Variants in GRK5 observed in about 807,000 individuals in gnomAD.
GRK5 encodes G protein-coupled receptor kinase 5, also known as g protein-coupled receptor kinase GRK5.
GRK5 carries 40 observed loss-of-function variants against 78.4 expected under a neutral mutation model. The observed-to-expected ratio is 0.51, with a 90% CI of 0.40 to 0.66. The LOEUF (loss-of-function observed/expected upper bound fraction) is 0.66. Ranked by LOEUF, GRK5 falls within the 30% of genes least tolerant of loss-of-function variation. The pLI is 0.00. For synonymous variants in GRK5, 289 were observed against 296.8 expected, an observed-to-expected ratio of 0.97 and a Z score of 0.27; for missense variants, 598 against 759.9, an observed-to-expected ratio of 0.79 and a Z score of 2.50.
At chr10:119,242,712 G>A (rs1322769211) in intron 1 of GRK5, among the ~76,000 whole-genome samples, 1 of 151,966 alleles carries the variant, frequency 6.6e-6, no homozygotes, top group Non-Finnish European at 1.5e-5. Flanking sequence ...TCTTGTGATA[G>A]TGAGTGAGTT....
chr10:119,322,642 G>T (rs566905817), intron 1 of GRK5, among the ~76,000 whole-genome samples: 1 of 152,332 alleles, frequency 6.6e-6, no homozygotes, highest in South Asian at 2.1e-4. Context: ...TAGACTGGCT[G>T]CCTGAGAGTC....
intron 12 of GRK5, among the ~76,000 whole-genome samples, chr10:119,444,523 C>G (rs1289574563): frequency 6.6e-6 from 1 of 152,166 alleles, no homozygotes; most frequent in Non-Finnish European, 1.5e-5. Context: ...CTGCCTGGCT[C>G]TCAGCCCCCA....
At chr10:119,393,261 C>T (rs1851915766) in intron 3 of GRK5, among the ~76,000 whole-genome samples, 1 of 152,262 alleles carries the variant, frequency 6.6e-6, no homozygotes, top group South Asian at 2.1e-4. Flanking sequence ...CCTTTTGATC[C>T]CGGCAGGGGA....
At chr10:119,433,088 C>G (rs1690569671) in intron 8 of GRK5, among the ~76,000 whole-genome samples, 1 of 152,106 alleles carries the variant, frequency 6.6e-6, no homozygotes, top group African/African-American at 2.4e-5. Flanking sequence ...ACAAAACAAA[C>G]AAACAAAACC....
At chr10:119,386,778 G>A (rs7077176) in intron 3 of GRK5, among the ~76,000 whole-genome samples, 16,402 of 152,124 alleles carry the variant, frequency 0.11, 1,144 homozygotes, top group East Asian at 0.22. Context: ...GTAACTTCTC[G>A]TCTAAAATCC....
At chr10:119,416,061 C>G (rs991271494) in intron 4 of GRK5, among the ~76,000 whole-genome samples, 22 of 152,152 alleles carry the variant, frequency 1.4e-4, no homozygotes, top group Admixed American at 2.6e-4. Context: ...GGGTGTAGCT[C>G]TGAGTTGATT....
At chr10:119,432,509 A>G in intron 8 of GRK5, among the ~76,000 whole-genome samples, 1 of 152,222 alleles carries the variant, frequency 6.6e-6, no homozygotes, top group East Asian at 1.9e-4. Context: ...TTTAAACAGC[A>G]CAGAAGGATA....
intron 3 of GRK5, among the ~76,000 whole-genome samples, chr10:119,384,374 C>T (rs2133835194): frequency 6.6e-6 from 1 of 152,326 alleles, no homozygotes; most frequent in East Asian, 1.9e-4. Context: ...GTGCAGCCTC[C>T]AGAGATAGGA....
intron 8 of GRK5, among the ~76,000 whole-genome samples, chr10:119,435,979 G>A (rs1852910906): frequency 6.6e-6 from 1 of 152,200 alleles, no homozygotes; most frequent in Non-Finnish European, 1.5e-5. Context: ...AGTGAAATGG[G>A]CTTCCCCTTA....
chr10:119,229,888 T>C (rs1848797958), intron 1 of GRK5, among the ~76,000 whole-genome samples: 1 of 152,220 alleles, frequency 6.6e-6, no homozygotes, highest in Non-Finnish European at 1.5e-5. Flanking sequence ...TCATTGTCTT[T>C]TGCACATGAC....
chr10:119,289,736 G>T (rs959698580), intron 1 of GRK5, among the ~76,000 whole-genome samples: 31 of 152,294 alleles, frequency 2.0e-4, no homozygotes, highest in African/African-American at 7.5e-4. Flanking sequence ...TTTATTTTAG[G>T]CACCGGCTGA....
chr10:119,431,322 C>G lies in GRK5; in HGVS notation c.598-65C>G. 3.9e-6 allele frequency: 6 copies of G among 1,553,778 alleles called. No homozygotes were observed. The highest frequency in any genetic ancestry group is 5.2e-6 in the Non-Finnish European group (6 of 1,150,176). ...ACCTGGGAGGCCTGTGGTCCCCGCC[C>G]TGGAGGAGCTCGGGGCAGGCCTCCA... is the stretch of plus-strand genomic sequence containing the variant. On this transcript the variant is annotated intron_variant, in intron 7 of 15. Transcript: ENST00000392870. This position sits in a 1 kb window ranked among gnomAD's most constrained non-coding sequence, Gnocchi z 4.8.
intron 1 of GRK5, among the ~76,000 whole-genome samples, chr10:119,209,492 T>TGG: frequency 1.8e-5 from 1 of 54,456 alleles, no homozygotes; most frequent in African/African-American, 9.0e-5. Context: ...GTGTGGTTTT[T>TGG]TTTTTTTTTT....
chr10:119,285,393 T>G (rs1174806723), intron 1 of GRK5, among the ~76,000 whole-genome samples: 3 of 152,170 alleles, frequency 2.0e-5, no homozygotes, highest in African/African-American at 7.2e-5. Flanking sequence ...GCTCGATTCC[T>G]GGGTTGGGGG....
At chr10:119,429,222 G>T (rs973903388) in intron 6 of GRK5, among the ~76,000 whole-genome samples, 1 of 152,204 alleles carries the variant, frequency 6.6e-6, no homozygotes, top group Non-Finnish European at 1.5e-5. Flanking sequence ...GTGCCAGAGA[G>T]TACCCTGGCT....
At chr10:119,329,555 G>A (rs575865194) in intron 2 of GRK5, among the ~76,000 whole-genome samples, 3 of 152,190 alleles carry the variant, frequency 2.0e-5, no homozygotes, top group African/African-American at 7.2e-5. Flanking sequence ...ACATGGAGAA[G>A]CCCCATCTCT....
At chr10:119,313,221 ACGGTAG>A (rs1850422160) in intron 1 of GRK5, among the ~76,000 whole-genome samples, 2 of 112,600 alleles carry the variant, frequency 1.8e-5, no homozygotes, top group Non-Finnish European at 3.9e-5. Context: ...GGTGGTGGTG[ACGGTAG>A]TGATGATGGT....
chr10:119,208,429 T>G (rs1303456127), intron 1 of GRK5: 2 of 163,862 alleles, frequency 1.2e-5, no homozygotes, highest in East Asian at 1.9e-4. Flanking sequence ...ATATAGACTA[T>G]TGCTGGAAAC....
chr10:119,360,735 G>A (rs1564904823), intron 2 of GRK5, among the ~76,000 whole-genome samples: 2 of 152,154 alleles, frequency 1.3e-5, no homozygotes, highest in Non-Finnish European at 2.9e-5. Flanking sequence ...TGGTCTGTCC[G>A]TCCTCTTCCT....
Sources: gnomAD v4.1 joint callset for allele counts (sites outside exome capture counted in the v4.1 genomes callset) on GRCh38, gnomAD v4.1.1 for gene constraint, Gnocchi (gnomAD v3.1) non-coding constraint, MANE v1.5 for transcripts, NCBI Gene and HGNC (gene_info 2026-07-23, HGNC 2026-07-21) for gene names.